The following NEK9 variants were observed in gnomAD, a reference collection of about 807,000 sequenced individuals.
NEK9 encodes the protein NIMA related kinase 9.
In NEK9, 75 loss-of-function variants were observed where a neutral mutation model predicts 123.4. The ratio of observed to expected loss-of-function variants is 0.61; its 90% confidence interval spans 0.50 to 0.74. The LOEUF (loss-of-function observed/expected upper bound fraction) is 0.74. NEK9 is among the 30% of genes least tolerant of loss of function. The probability of loss-of-function intolerance (pLI) is 0.00; values close to 1 mark genes in which losing one functional copy is unlikely to be tolerated. For synonymous variants in NEK9, 438 were observed against 458.7 expected (o/e 0.95, Z 0.58); for missense variants, 952 against 1,214.4 (o/e 0.78, Z 3.21).
Position 75,107,429 on chromosome 14 carries a change from T to G in NEK9, c.1241A>C (p.Tyr414Ser). 1 of 1,613,928 alleles carries G rather than the reference T, an allele frequency of 6.2e-7. No individual in the cohort carries two copies. The highest frequency in any genetic ancestry group is 8.5e-7 in the Non-Finnish European group (1 of 1,179,898). The change falls in exon 11 of 22, where the codon TAT (tyrosine) becomes TCT (serine). Residue 414 changes from tyrosine (Y) to serine (S), a missense_variant. Physicochemically the swap from Tyr to Ser is moderately radical, Grantham distance 144. Coordinates refer to ENST00000238616, the MANE Select transcript of NEK9 (RefSeq NM_033116.6). Reference protein sequence around the residue: ...GQLGHGDKASYRQPKHVEKLQ... With the variant: ...GQLGHGDKASSRQPKHVEKLQ... ...CTTTTCCACATGCTTTGGCTGTCGA[T>G]AGGAGGCTTTGTCTCCATGGCCCAG... is the stretch of plus-strand genomic sequence containing the variant.
At chr14:75,093,515 G>A (rs977452939) in intron 18 of NEK9, among the ~76,000 whole-genome samples, 12 of 152,018 alleles carry the variant, frequency 7.9e-5, no homozygotes, top group South Asian at 2.1e-4. Context: ...GTACAGTGGC[G>A]CAATCGTGGC....
At chr14:75,126,308 T>C (rs1281092805) in intron 1 of NEK9, among the ~76,000 whole-genome samples, 1 of 151,900 alleles carries the variant, frequency 6.6e-6, no homozygotes, top group Non-Finnish European at 1.5e-5. Context: ...GAACTATATA[T>C]ACAGCATGAG....
Position 75,121,111 on chromosome 14 carries a change from T to C in NEK9, c.453+8A>G, listed in dbSNP as rs751186383. On this transcript the variant is annotated splice_region_variant and intron_variant, in intron 3 of 21. Transcript: ENST00000238616. ...ATTCTAACTTCCTTCCACAGAAATA[T>C]GAATTACCTCTTCCTCAAACAACTT... 8 of 1,605,850 alleles carry C rather than the reference T, an allele frequency of 5.0e-6. No homozygotes were observed. In the East Asian group the frequency reaches 1.8e-4, roughly 36 times the overall value.
chr14:75,108,228 G>A (rs1411063552), intron 10 of NEK9, among the ~76,000 whole-genome samples: 1 of 151,602 alleles, frequency 6.6e-6, no homozygotes, highest in East Asian at 1.9e-4. Flanking sequence ...GGGTTCAAGC[G>A]ATTCTCCTGC....
chr14:75,126,182 A>G (rs1475187396), intron 1 of NEK9, among the ~76,000 whole-genome samples: 1 of 152,222 alleles, frequency 6.6e-6, no homozygotes, highest in Non-Finnish European at 1.5e-5. Flanking sequence ...GAGCTTCAAG[A>G]AAAGCTTCCA....
chr14:75,093,318 T>A (rs1894279358), intron 18 of NEK9, among the ~76,000 whole-genome samples: 1 of 152,246 alleles, frequency 6.6e-6, no homozygotes, highest in African/African-American at 2.4e-5. Context: ...TATCACTGTA[T>A]TTGCCGTGTG....
Position 75,097,088 on chromosome 14 carries a change from T to C in NEK9, c.2173+12A>G, listed in dbSNP as rs576487872. ...CAAAGCCATCCCAACCCCAGACATA[T>C]GAAACTCTTACCAACGATGAGAATG... On this transcript the variant is annotated intron_variant, in intron 17 of 21. Coordinates refer to ENST00000238616, the MANE Select transcript of NEK9 (RefSeq NM_033116.6). 1.3e-5 allele frequency: 20 copies of C among 1,594,128 alleles called. No individual in the cohort carries two copies. Among genetic ancestry groups the C allele is most frequent in the Non-Finnish European group, 1.7e-5 (20 of 1,168,520 alleles).
rs577588667 is a variant in NEK9, at chr14:75,112,798, G to A, written c.938+541C>T. On this transcript the variant is annotated intron_variant, in intron 8 of 21. Transcript: ENST00000238616. The stretch of plus-strand genomic sequence containing the variant: ...ACTGTGCCACTGCACTCTAGCCTGG[G>A]TGACAGAGTGAGACTCTGTCTCAGA... Among the ~76,000 whole-genome samples, 8 of 152,282 alleles carry A rather than the reference G, an allele frequency of 5.3e-5. No homozygotes were observed. The East Asian group carries it at 1.2e-3, about 22-fold the overall frequency.
intron 5 of NEK9, among the ~76,000 whole-genome samples, chr14:75,118,076 AT>A (rs1339074700): frequency 2.0e-5 from 3 of 152,226 alleles, no homozygotes; most frequent in Non-Finnish European, 2.9e-5. Flanking sequence ...GATGAGAAAA[AT>A]CCATATAAAG....
chr14:75,114,329 G>A lies in NEK9; in HGVS notation c.763-16C>T, dbSNP rs368915355. 2.7e-5 allele frequency: 43 copies of A among 1,574,442 alleles called. No individual in the cohort carries two copies. Among genetic ancestry groups the A allele is most frequent in the Non-Finnish European group, 3.7e-5 (42 of 1,144,212 alleles). ...TAAGTGGGTTCTATGAGAAAATGAT[G>A]ACTGCATTGTTCCTGGTTATATAAA... On this transcript the variant is annotated splice_polypyrimidine_tract_variant and intron_variant, in intron 6 of 21. Transcript: ENST00000238616.
In NEK9 at chr14:75,097,135, A is replaced by T; in HGVS notation, c.2138T>A (p.Leu713Gln). 1 of 1,612,098 alleles carries T rather than the reference A, an allele frequency of 6.2e-7. No individual in the cohort carries two copies. The highest frequency in any genetic ancestry group is 8.5e-7 in the Non-Finnish European group (1 of 1,179,000). ...IFGSLHHVPD[L>Q]SCRGWHTILI... Reference sequence around the variant, plus strand: ...AATGGTATGCCATCCACGGCAAGACAGGTCCGGGACATGATGCAGAGATCC... The same window carrying T: ...AATGGTATGCCATCCACGGCAAGACTGGTCCGGGACATGATGCAGAGATCC... The change falls in exon 17 of 22, where the codon CTG becomes CAG. Residue 713 changes from leucine to glutamine, a missense_variant. Transcript: ENST00000238616.
chr14:75,088,717 A>G (rs1212608243), intron 19 of NEK9, 76 bp from the exon 20 acceptor site: 1 of 1,422,408 alleles, frequency 7.0e-7, no homozygotes, highest in Non-Finnish European at 9.7e-7. Context: ...TTTTTGCTAT[A>G]GTTTTCCCTC....
At chr14:75,114,920 TCA>T (rs1189223644) in intron 6 of NEK9, among the ~76,000 whole-genome samples, 8 of 151,942 alleles carry the variant, frequency 5.3e-5, no homozygotes, top group Admixed American at 5.3e-4. Flanking sequence ...TTGCCCAAAA[TCA>T]CAGATAGTAA....
At chr14:75,085,408 G>A (rs1017960067) in intron 21 of NEK9, among the ~76,000 whole-genome samples, 1 of 152,208 alleles carries the variant, frequency 6.6e-6, no homozygotes, top group African/African-American at 2.4e-5. Context: ...AGAAAACAAA[G>A]TAGCCCAAAC....
In NEK9 at chr14:75,087,075, G is replaced by A. The variant is rs1193105502; in HGVS notation, c.2760C>T (p.Asn920=). ...TCTGCAGTTGGGTAAAAATCTGGAG[G>A]TTTTCTTGCTGTAGCTTCTGTTGTT... The part of the protein sequence containing the change: ...LAEQQKLQQE[N]LQIFTQLQKL... The change falls in exon 21 of 22, where the codon AAC becomes AAT. Residue 920 remains asparagine, a synonymous_variant. Transcript: ENST00000238616. The A allele has an allele frequency of 1.9e-6, 3 of 1,614,076 alleles. No homozygotes were observed. The highest frequency in any genetic ancestry group is 2.5e-6 in the Non-Finnish European group (3 of 1,180,044).
intron 16 of NEK9, 57 bp downstream of exon 16, chr14:75,100,935 A>C: frequency 6.5e-7 from 1 of 1,546,922 alleles, no homozygotes; most frequent in Non-Finnish European, 8.8e-7. Flanking sequence ...TTTCCCAGCC[A>C]AGAACTGAAA....
intron 16 of NEK9, among the ~76,000 whole-genome samples, chr14:75,100,538 A>C (rs1894541419): frequency 6.6e-6 from 1 of 152,236 alleles, no homozygotes; most frequent in South Asian, 2.1e-4. Context: ...GAGATACATA[A>C]TATAGCGGAA....
At chr14:75,124,336 C>T in intron 1 of NEK9, 113 bp from the exon 2 acceptor site, 1 of 834,192 alleles carries the variant, frequency 1.2e-6, no homozygotes, top group Non-Finnish European at 1.9e-6. Flanking sequence ...CAGACTGACT[C>T]CTCTTATTTT....
At chr14:75,112,092 C>T (rs1894976557) in intron 8 of NEK9, among the ~76,000 whole-genome samples, 1 of 151,968 alleles carries the variant, frequency 6.6e-6, no homozygotes, top group Admixed American at 6.6e-5. Flanking sequence ...TACAGACCAA[C>T]TAGAGAAGAA....
Sources: gnomAD v4.1 joint callset for allele counts (sites outside exome capture counted in the v4.1 genomes callset) on GRCh38, gnomAD v4.1.1 for gene constraint, MANE v1.5 for transcripts, NCBI Gene and HGNC (gene_info 2026-07-23, HGNC 2026-07-21) for gene names.